The following TIMP2 variants were observed in gnomAD, a reference collection of about 807,000 sequenced individuals.
The protein encoded by TIMP2 is metalloproteinase inhibitor 2.
A neutral mutation model predicts 24.3 loss-of-function variants in TIMP2; 5 were observed. The ratio of observed to expected loss-of-function variants is 0.21; its 90% CI spans 0.11 to 0.43. The LOEUF (loss-of-function observed/expected upper bound fraction) is 0.43. TIMP2 is among the 20% of genes least tolerant of loss of function. TIMP2 has a pLI of 1.00. For missense variants in TIMP2, 221 were observed against 297.5 expected (o/e 0.74, Z 1.89); for synonymous variants, 130 against 123.2 (o/e 1.06, Z -0.37).
rs2070338319 is a variant in TIMP2, at chr17:78,924,981, C to T, written c.108G>A (p.Gln36=). ...TACCTACATCTGCATTGCAAAACGC[C>T]TGTTGCGGGTGCACCGGGGAGCAGC... The part of the protein sequence containing the change: ...ACSCSPVHPQ[Q]AFCNADVVIR... Residue 36 remains glutamine (Q), a synonymous_variant, in exon 1 of 5, where the codon CAG becomes CAA. Coordinates refer to ENST00000262768, the MANE Select transcript of TIMP2 (RefSeq NM_003255.5). This position sits in a 1 kb window ranked among gnomAD's most constrained non-coding sequence, Gnocchi z 5.3. 1.5e-6 allele frequency: 2 copies of T among 1,304,464 alleles called. No individual in the cohort carries two copies. The highest frequency in any genetic ancestry group is 6.5e-5 in the East Asian group (2 of 30,738). The allele number at this position is 1,304,464 out of a possible 1,614,324, so 80.8% of individuals were successfully genotyped here.
intron 1 of TIMP2, among the ~76,000 whole-genome samples, chr17:78,918,844 A>T (rs528697945): frequency 1.0e-3 from 156 of 152,096 alleles, no homozygotes; most frequent in African/African-American, 3.4e-3. Context: ...ACAAAAAATT[A>T]AAAAAATTAG....
chr17:78,914,901 CT>C (rs71161637), intron 1 of TIMP2, among the ~76,000 whole-genome samples: 55 of 138,554 alleles, frequency 4.0e-4, no homozygotes, highest in Admixed American at 5.1e-4. Flanking sequence ...TGGGCTTTTT[CT>C]TTTTTTTTTT....
intron 1 of TIMP2, among the ~76,000 whole-genome samples, chr17:78,883,102 G>A (rs1260360258): frequency 1.3e-5 from 2 of 152,230 alleles, no homozygotes; most frequent in African/African-American, 2.4e-5. Context: ...CCCTGCAGCT[G>A]CTGTGGAGGC....
intron 1 of TIMP2, chr17:78,890,965 T>G (rs1024782631): frequency 1.3e-6 from 2 of 1,551,068 alleles, no homozygotes; most frequent in Non-Finnish European, 1.7e-6. Flanking sequence ...GTTGTTTTTG[T>G]CTTCTCTGCT....
At chr17:78,923,151 A>G (rs2070320499) in intron 1 of TIMP2, among the ~76,000 whole-genome samples, 1 of 152,070 alleles carries the variant, frequency 6.6e-6, no homozygotes. Context: ...TTTTAGCTAC[A>G]GGATGATTTT....
intron 3 of TIMP2, among the ~76,000 whole-genome samples, chr17:78,863,397 C>A (rs113782328): frequency 6.6e-6 from 1 of 152,138 alleles, no homozygotes; most frequent in Middle Eastern, 3.2e-3. Flanking sequence ...CGCCCGCCAC[C>A]ATGCCTGGCT....
chr17:78,864,270 CCTT>C (rs759225553), intron 3 of TIMP2, among the ~76,000 whole-genome samples: 31 of 151,128 alleles, frequency 2.1e-4, no homozygotes, highest in Non-Finnish European at 4.0e-4. Context: ...TTCCTTCCTT[CCTT>C]CTTCTTCCCT....
intron 1 of TIMP2, among the ~76,000 whole-genome samples, chr17:78,880,893 C>A (rs1335324903): frequency 6.6e-6 from 1 of 152,210 alleles, no homozygotes; most frequent in South Asian, 2.1e-4. Flanking sequence ...ACAGGCAAAC[C>A]GGTGGATATC....
chr17:78,886,007 G>A (rs2069822486), intron 1 of TIMP2, among the ~76,000 whole-genome samples: 1 of 152,210 alleles, frequency 6.6e-6, no homozygotes, highest in African/African-American at 2.4e-5. Flanking sequence ...TCACTGGAGG[G>A]CCATGGTTTT....
At chr17:78,856,901 C>T (rs1190190306) in intron 4 of TIMP2, 1 of 152,490 alleles carries the variant, frequency 6.6e-6, no homozygotes, top group African/African-American at 2.4e-5. Flanking sequence ...CATATTCTCT[C>T]TCCCCATACA....
intron 1 of TIMP2, among the ~76,000 whole-genome samples, chr17:78,915,792 T>C (rs536572148): frequency 1.1e-3 from 165 of 152,344 alleles, no homozygotes; most frequent in Non-Finnish European, 1.6e-3. Flanking sequence ...AGTGCTGGGA[T>C]TCCAGGCATG....
At position 78,925,312 on chromosome 17, in the gene TIMP2, C is replaced by T. The variant is rs1471216227; in HGVS notation, c.-224G>A. ...GCGGGGCGCAATTCGCCGGGCGGGG[C>T]GGCGGGGTGGGGGGCGGCGGGCGAG... is the stretch of plus-strand genomic sequence containing the variant. On this transcript the variant is annotated 5_prime_UTR_variant, in exon 1 of 5. Coordinates refer to ENST00000262768, the MANE Select transcript of TIMP2 (RefSeq NM_003255.5). The T allele has an allele frequency of 2.8e-5, 1 of 35,208 alleles. No homozygotes were observed. Among genetic ancestry groups the T allele is most frequent in the Non-Finnish European group, 5.9e-5 (1 of 17,080 alleles). The allele number at this position is 35,208 out of a possible 1,614,324, so 2.2% of individuals were successfully genotyped here.
At chr17:78,869,789 T>C (rs1376287977) in intron 3 of TIMP2, among the ~76,000 whole-genome samples, 5 of 152,194 alleles carry the variant, frequency 3.3e-5, no homozygotes, top group Non-Finnish European at 7.4e-5. Context: ...CACCCCAGCC[T>C]GGGAAATAGA....
At chr17:78,887,734 G>GGGAAAAAAAAAAAAATA (rs1198584023) in intron 1 of TIMP2, among the ~76,000 whole-genome samples, 1 of 133,148 alleles carries the variant, frequency 7.5e-6, no homozygotes, top group Non-Finnish European at 1.5e-5. Context: ...TCTTTTTCTG[G>GGGAAAAAAAAAAAAATA]GGAAAAAAAA....
At chr17:78,907,042 T>C (rs2145789800) in intron 1 of TIMP2, among the ~76,000 whole-genome samples, 1 of 152,296 alleles carries the variant, frequency 6.6e-6, no homozygotes, top group East Asian at 1.9e-4. Context: ...TCCTAGCTTT[T>C]GATTTAAAGT....
At chr17:78,893,514 C>T (rs57628630) in intron 1 of TIMP2, among the ~76,000 whole-genome samples, 1,662 of 147,118 alleles carry the variant, frequency 0.011, 27 homozygotes, top group African/African-American at 0.041. Flanking sequence ...GGGGTGTGTG[C>T]GTGTGCACAT....
At chr17:78,879,897 G>T (rs1449970509) in intron 1 of TIMP2, among the ~76,000 whole-genome samples, 2 of 149,430 alleles carry the variant, frequency 1.3e-5, no homozygotes, top group Non-Finnish European at 1.5e-5. Context: ...AATCCCGAGC[G>T]CACCCGCCAG....
chr17:78,915,645 G>A (rs986105310), intron 1 of TIMP2, among the ~76,000 whole-genome samples: 3 of 151,678 alleles, frequency 2.0e-5, no homozygotes, highest in Admixed American at 2.0e-4. Flanking sequence ...TCAGCCTCCC[G>A]AGTAGCTGGG....
At chr17:78,886,281 T>G (rs1437064414) in intron 1 of TIMP2, among the ~76,000 whole-genome samples, 1 of 152,160 alleles carries the variant, frequency 6.6e-6, no homozygotes, top group Non-Finnish European at 1.5e-5. Context: ...TCACAAATGC[T>G]ACCTTTGAAA....
Sources: gnomAD v4.1 joint callset for allele counts (sites outside exome capture counted in the v4.1 genomes callset) on GRCh38, gnomAD v4.1.1 for gene constraint, Gnocchi (gnomAD v3.1) non-coding constraint, MANE v1.5 for transcripts, NCBI Gene and HGNC (gene_info 2026-07-23, HGNC 2026-07-21) for gene names.